The following CPAP variants were observed in gnomAD, a reference collection of about 807,000 sequenced individuals.
CPAP encodes centrosomal P4.1-associated protein.
At chr13:24,927,456 C>G in the CPAP span, among the ~76,000 whole-genome samples, 1 of 152,224 alleles carries the variant, frequency 6.6e-6, no homozygotes, top group Non-Finnish European at 1.5e-5. Flanking sequence ...GCATGACTTA[C>G]AGGCTATCAA....
the CPAP span, among the ~76,000 whole-genome samples, chr13:24,913,288 G>GT: frequency 6.6e-6 from 1 of 151,876 alleles, no homozygotes; most frequent in South Asian, 2.1e-4. Flanking sequence ...GATCAAAAAC[G>GT]TAAGATCCTT....
chr13:24,918,793 T>C, the CPAP span, among the ~76,000 whole-genome samples: 1 of 152,244 alleles, frequency 6.6e-6, no homozygotes, highest in South Asian at 2.1e-4. Flanking sequence ...GTCCTCACAT[T>C]GGACTAGGCT....
At chr13:24,889,377 GT>G in the CPAP span, 1 of 1,610,432 alleles carries the variant, frequency 6.2e-7, no homozygotes, top group East Asian at 2.2e-5. Flanking sequence ...AAATCTGACT[GT>G]TTTGAAATCG....
At chr13:24,884,248 G>A in the CPAP span, 3 of 1,614,110 alleles carry the variant, frequency 1.9e-6, no homozygotes, top group South Asian at 3.3e-5. Flanking sequence ...TAGTAGATCT[G>A]TAAAGACACA....
At chr13:24,885,351 G>A in the CPAP span, 1 of 1,613,958 alleles carries the variant, frequency 6.2e-7, no homozygotes, top group Non-Finnish European at 8.5e-7. Flanking sequence ...GATCTGGGAA[G>A]TTCAGTGGTT....
chr13:24,920,619 CTT>C, the CPAP span, among the ~76,000 whole-genome samples: 5 of 125,256 alleles, frequency 4.0e-5, no homozygotes, highest in Non-Finnish European at 3.3e-5. Context: ...AATATGATTC[CTT>C]TTTTTTTTTT....
the CPAP span, chr13:24,907,316 T>C: frequency 1.6e-5 from 12 of 754,938 alleles, no homozygotes; most frequent in Non-Finnish European, 2.7e-5. Flanking sequence ...AATCAGTGCC[T>C]CCCTTTGAGA....
At chr13:24,910,978 T>C in the CPAP span, among the ~76,000 whole-genome samples, 1 of 152,208 alleles carries the variant, frequency 6.6e-6, no homozygotes, top group Non-Finnish European at 1.5e-5. Flanking sequence ...TTTTTCCTTG[T>C]ATTCTCAATG....
chr13:24,897,919 G>A, the CPAP span, among the ~76,000 whole-genome samples: 3 of 152,242 alleles, frequency 2.0e-5, no homozygotes, highest in South Asian at 2.1e-4. Flanking sequence ...CCCCGTGGAC[G>A]GAGTCTCACT....
chr13:24,892,560 C>A, the CPAP span: 1 of 1,098,016 alleles, frequency 9.1e-7, no homozygotes, highest in South Asian at 1.2e-5. Flanking sequence ...AGCTCCCATT[C>A]TACTTTCTGA....
chr13:24,902,772 A>G, the CPAP span, among the ~76,000 whole-genome samples: 2 of 152,204 alleles, frequency 1.3e-5, no homozygotes, highest in Admixed American at 1.3e-4. Flanking sequence ...GACTTGCAGC[A>G]TCCTGGGGAG....
the CPAP span, among the ~76,000 whole-genome samples, chr13:24,904,254 G>C: frequency 6.6e-6 from 1 of 152,142 alleles, no homozygotes; most frequent in Admixed American, 6.5e-5. Flanking sequence ...GGAATTTATG[G>C]AAGAATTAAT....
chr13:24,896,933 T>C, the CPAP span, among the ~76,000 whole-genome samples: 1 of 152,236 alleles, frequency 6.6e-6, no homozygotes, highest in Admixed American at 6.5e-5. Flanking sequence ...CTGGTTCAAG[T>C]ATATGTCTTG....
At chr13:24,889,415 A>G in the CPAP span, 2 of 1,525,352 alleles carry the variant, frequency 1.3e-6, no homozygotes, top group Non-Finnish European at 9.1e-7. Context: ...AGTATAAGAG[A>G]TAATTTTTTA....
the CPAP span, chr13:24,889,129 A>G: frequency 4.9e-6 from 3 of 608,310 alleles, no homozygotes; most frequent in East Asian, 8.5e-5. Context: ...CGAAGCATGG[A>G]CCATTATCAG....
chr13:24,912,612 A>G, the CPAP span: 1 of 1,613,886 alleles, frequency 6.2e-7, no homozygotes, highest in East Asian at 2.2e-5. Context: ...GTGGGTCTTT[A>G]TAAGCCCCTT....
At chr13:24,922,016 T>C in the CPAP span, among the ~76,000 whole-genome samples, 1 of 152,170 alleles carries the variant, frequency 6.6e-6, no homozygotes, top group East Asian at 1.9e-4. Context: ...GACTCAGACT[T>C]TACAGATATC....
chr13:24,909,818 T>C, the CPAP span: 1 of 1,613,300 alleles, frequency 6.2e-7, no homozygotes, highest in Non-Finnish European at 8.5e-7. Context: ...TTTCTTCTTT[T>C]AAATTATTTT....
the CPAP span, among the ~76,000 whole-genome samples, chr13:24,890,763 C>A: frequency 6.6e-6 from 1 of 152,132 alleles, no homozygotes; most frequent in African/African-American, 2.4e-5. Flanking sequence ...CTCACAGGAG[C>A]CTGGGCTATG....
Sources: gnomAD v4.1 joint callset for allele counts (sites outside exome capture counted in the v4.1 genomes callset) on GRCh38, gnomAD v4.1.1 for gene constraint, MANE v1.5 for transcripts, NCBI Gene and HGNC (gene_info 2026-07-23, HGNC 2026-07-21) for gene names.